GOPC: variants seen among roughly 807,000 people sequenced by gnomAD.
The protein encoded by GOPC is Golgi-associated PDZ and coiled-coil motif-containing protein.
In GOPC, 32 loss-of-function variants were observed where a neutral mutation model predicts 51.2. The observed-to-expected ratio is 0.63, with a 90% CI of 0.47 to 0.84. The LOEUF (loss-of-function observed/expected upper bound fraction) is 0.84. Ranked by LOEUF, GOPC falls within the 40% of genes least tolerant of loss-of-function variation. GOPC has a pLI of 0.00. For synonymous variants in GOPC, 190 were observed against 205.1 expected (o/e 0.93, Z 0.63); for missense variants, 441 against 555.5 (o/e 0.79, Z 2.07).
intron 1 of GOPC, among the ~76,000 whole-genome samples, chr6:117,596,298 CTT>C (rs1447884526): frequency 1.3e-5 from 2 of 151,940 alleles, no homozygotes; most frequent in Non-Finnish European, 2.9e-5. Flanking sequence ...GATATTAGTC[CTT>C]TGTCGGATGT....
intron 6 of GOPC, among the ~76,000 whole-genome samples, chr6:117,570,168 T>G (rs527441629): frequency 6.6e-6 from 1 of 151,856 alleles, no homozygotes; most frequent in Non-Finnish European, 1.5e-5. Context: ...TTGTTGCGTG[T>G]GTGTAGGGGT....
In GOPC at chr6:117,560,888, T is replaced by C. The variant is rs1177975529; in HGVS notation, c.*2366A>G. The C allele has an allele frequency of 4.7e-6, 1 of 213,934 alleles. No homozygotes were observed. The highest frequency in any genetic ancestry group is 2.3e-5 in the African/African-American group (1 of 44,262). The allele number at this position is 213,934 out of a possible 1,614,324, so 13.3% of individuals were successfully genotyped here. A position where few individuals can be genotyped will look rare whatever the true frequency, so the allele number is the denominator to read the frequency against. On this transcript the variant is annotated 3_prime_UTR_variant, in exon 9 of 9. Transcript: ENST00000368498. ...CAGTTCCCTCCTTACTTGTTTGGTT[T>C]TGTCCTAGAAGTTTCAGGGACATAT...
At chr6:117,579,743 C>G (rs974346708) in intron 1 of GOPC, among the ~76,000 whole-genome samples, 4 of 151,978 alleles carry the variant, frequency 2.6e-5, no homozygotes, top group Admixed American at 1.3e-4. Context: ...GTTTTCCCAG[C>G]TAGCCAGTAG....
At chr6:117,566,001 TA>T (rs971966557) in intron 8 of GOPC, among the ~76,000 whole-genome samples, 3 of 152,188 alleles carry the variant, frequency 2.0e-5, no homozygotes, top group Non-Finnish European at 2.9e-5. Context: ...GGTCAATATT[TA>T]AAAATTAACT....
chr6:117,566,421 TAA>T (rs972322103), intron 8 of GOPC, among the ~76,000 whole-genome samples: 3 of 152,236 alleles, frequency 2.0e-5, no homozygotes, highest in African/African-American at 7.2e-5. Flanking sequence ...CAAGATAATA[TAA>T]GTTGATTCTA....
At position 117,573,640 on chromosome 6, in the gene GOPC, T is replaced by C; in HGVS notation, c.651-8A>G. On this transcript the variant is annotated splice_polypyrimidine_tract_variant and splice_region_variant and intron_variant, in intron 4 of 8. Coordinates refer to ENST00000368498, the MANE Select transcript of GOPC (RefSeq NM_020399.4). ...AATTGTATCTGTTGGACCCTTCATA[T>C]TGGGAAAAGAGTACATTGATTTTTC... 6.2e-7 allele frequency: 1 copy of C among 1,602,988 alleles called. No individual in the cohort carries two copies. Among genetic ancestry groups the C allele is most frequent in the Non-Finnish European group, 8.5e-7 (1 of 1,174,190 alleles).
intron 1 of GOPC, among the ~76,000 whole-genome samples, chr6:117,584,375 A>G (rs1222423840): frequency 6.6e-6 from 1 of 152,198 alleles, no homozygotes; most frequent in Non-Finnish European, 1.5e-5. Flanking sequence ...TTGCAAGTCT[A>G]TGCTTCCAGA....
chr6:117,588,047 T>A (rs1013313724), intron 1 of GOPC, among the ~76,000 whole-genome samples: 5 of 152,218 alleles, frequency 3.3e-5, no homozygotes, highest in African/African-American at 1.2e-4. Flanking sequence ...AATTTTTTTG[T>A]ATTTTTTGTA....
chr6:117,569,102 T>G (rs184434048), intron 7 of GOPC, among the ~76,000 whole-genome samples: 465 of 152,356 alleles, frequency 3.1e-3, no homozygotes, highest in Middle Eastern at 0.014. Context: ...AACTTTAGTT[T>G]ACTCATTTTA....
chr6:117,596,369 T>C (rs754528898), intron 1 of GOPC, among the ~76,000 whole-genome samples: 7 of 152,232 alleles, frequency 4.6e-5, no homozygotes, highest in African/African-American at 1.7e-4. Context: ...ATTATTTCTT[T>C]TGCTGTGCAC....
chr6:117,570,874 C>A lies in GOPC; in HGVS notation c.898G>T (p.Gly300Cys). 6.4e-7 allele frequency: 1 copy of A among 1,563,272 alleles called. No individual in the cohort carries two copies. The highest frequency in any genetic ancestry group is 8.7e-7 in the Non-Finnish European group (1 of 1,143,144). The stretch of plus-strand genomic sequence containing the variant: ...CTACTTCTTACTGTAATTGAAATGC[C>A]AAGGCCTTCATGATCTTCCTTAAGG... The part of the protein sequence containing the change: ...LLLKEDHEGL[G>C]ISITGGKEHG... The change falls in exon 6 of 9, where the codon GGC becomes TGC. Residue 300 changes from glycine (G) to cysteine (C), a missense_variant. Transcript: ENST00000368498.
chr6:117,570,725 T>G, intron 6 of GOPC, 135 bp downstream of exon 6: 4 of 408,422 alleles, frequency 9.8e-6, no homozygotes, highest in South Asian at 1.6e-4. Flanking sequence ...AAAGCAAACA[T>G]TTATCCCCAT....
chr6:117,598,488 T>C (rs993502316), intron 1 of GOPC, among the ~76,000 whole-genome samples: 14 of 152,274 alleles, frequency 9.2e-5, no homozygotes, highest in Middle Eastern at 3.4e-3. Context: ...CGGTCACCAA[T>C]GTTTTTGGCA....
Position 117,578,838 on chromosome 6 carries a change from A to T in GOPC, c.450+62T>A, listed in dbSNP as rs1779918960. On this transcript the variant is annotated intron_variant, in intron 2 of 8. Coordinates refer to ENST00000368498, the MANE Select transcript of GOPC (RefSeq NM_020399.4). ...ATTTTATAATTTAAAAGTCTCATTCAAAATTGTCCTGTACACCCTGTAAAA... is the reference window on the plus strand; with the variant it reads ...ATTTTATAATTTAAAAGTCTCATTCTAAATTGTCCTGTACACCCTGTAAAA... 3 of 1,124,506 alleles carry T rather than the reference A, an allele frequency of 2.7e-6. No homozygotes were observed. In the South Asian group the frequency reaches 7.5e-5, roughly 28 times the overall value. The allele number at this position is 1,124,506 out of a possible 1,614,324, so 69.7% of individuals were successfully genotyped here.
intron 3 of GOPC, among the ~76,000 whole-genome samples, chr6:117,575,728 A>G (rs1032439632): frequency 5.3e-5 from 8 of 152,334 alleles, no homozygotes; most frequent in African/African-American, 1.7e-4. Context: ...ATAGATCAAA[A>G]AAACCACGTA....
In GOPC at chr6:117,602,207, C is replaced by G; in HGVS notation, c.82G>C (p.Val28Leu). ...ASCSVGAPGG[V>L]SMFRWLEVLE... ...ACCTCCAGCCACCGGAACATGGATA[C>G]CCCGCCAGGGGCCCCCACGGAGCAG... Residue 28 changes from valine to leucine, a missense_variant, in exon 1 of 9, where the codon GTA (valine) becomes CTA (leucine). This residue lies in a region of GOPC where 204 missense variants were observed against 219.8 expected (regional missense o/e 0.93). Transcript: ENST00000368498. 2 of 1,609,474 alleles carry G rather than the reference C, an allele frequency of 1.2e-6. No homozygotes were observed. Among genetic ancestry groups the G allele is most frequent in the Non-Finnish European group, 1.7e-6 (2 of 1,180,000 alleles).
intron 4 of GOPC, 79 bp downstream of exon 4, chr6:117,575,098 A>G (rs1779861193): frequency 2.6e-6 from 3 of 1,169,378 alleles, no homozygotes; most frequent in Non-Finnish European, 3.6e-6. Context: ...AAAAATAAAA[A>G]AAGAAAGAAG....
intron 1 of GOPC, among the ~76,000 whole-genome samples, chr6:117,580,996 G>GT (rs1779948778): frequency 6.6e-6 from 1 of 152,076 alleles, no homozygotes; most frequent in South Asian, 2.1e-4. Flanking sequence ...GATGGAAACA[G>GT]TAAGATTAGG....
intron 1 of GOPC, among the ~76,000 whole-genome samples, chr6:117,594,492 A>G (rs1297717183): frequency 6.6e-6 from 1 of 152,156 alleles, no homozygotes; most frequent in East Asian, 1.9e-4. Flanking sequence ...AAATTCCTCC[A>G]ATATAATCCA....
Sources: allele counts gnomAD v4.1 joint callset (sites outside exome capture counted in the v4.1 genomes callset), GRCh38; gene constraint gnomAD v4.1.1; regional missense constraint gnomAD v4.1.1; transcripts MANE v1.5; gene names NCBI Gene and HGNC (gene_info 2026-07-23, HGNC 2026-07-21).